The following ZAP70 variants were observed in gnomAD, a reference collection of about 807,000 sequenced individuals.
The protein encoded by ZAP70 is tyrosine-protein kinase ZAP-70.
A neutral mutation model predicts 65.8 loss-of-function variants in ZAP70; 27 were observed. The observed-to-expected ratio is 0.41, with a 90% CI of 0.30 to 0.57. The LOEUF (loss-of-function observed/expected upper bound fraction) is 0.57, where lower values mean the gene tolerates loss of function less well. Among genes scored for constraint, ZAP70 ranks in the 20% least tolerant of loss-of-function variants. The pLI is 0.28. For missense variants in ZAP70, 696 were observed against 870.5 expected (o/e 0.80, Z 2.52); for synonymous variants, 363 against 360.8 (o/e 1.01, Z -0.07).
chr2:97,744,857 A>G (rs1559333318), downstream of ZAP70, among the ~76,000 whole-genome samples: 1 of 152,222 alleles, frequency 6.6e-6, no homozygotes, highest in Non-Finnish European at 1.5e-5. Context: ...TGGATCAATG[A>G]CCTAAATATT....
Position 97,734,539 on chromosome 2 carries a change from C to G in ZAP70, c.909C>G (p.Asp303Glu), listed in dbSNP as rs1200167356. 6.2e-7 allele frequency: 1 copy of G among 1,613,998 alleles called. No individual in the cohort carries two copies. Among genetic ancestry groups the G allele is most frequent in the East Asian group, 2.2e-5 (1 of 44,884 alleles). Reference sequence around the variant, plus strand: ...GCCCAGCACGCATAACGTCCCCAGACAAACCGCGGCCGATGCCCATGGACA... The same window carrying G: ...GCCCAGCACGCATAACGTCCCCAGAGAAACCGCGGCCGATGCCCATGGACA... ...TPEPARITSP[D>E]KPRPMPMDTS... The change falls in exon 9 of 14, where the codon GAC (aspartate) becomes GAG (glutamate). Residue 303 changes from aspartate (D) to glutamate (E), a missense_variant. By Grantham distance (45) the Asp-to-Glu change is conservative. Around this residue, in one of 3 missense-constraint regions of ZAP70, gnomAD observed 551 missense variants for 630.0 expected, o/e 0.87. Coordinates refer to ENST00000264972, the MANE Select transcript of ZAP70 (RefSeq NM_001079.4).
the ZAP70 span, among the ~76,000 whole-genome samples, chr2:97,744,931 G>A: frequency 2.0e-5 from 3 of 152,166 alleles, no homozygotes; most frequent in South Asian, 2.1e-4. Context: ...TTTGGATTTC[G>A]CAGTGGATTC....
chr2:97,739,753 T>C lies in ZAP70; in HGVS notation c.*255T>C. On this transcript the variant is annotated 3_prime_UTR_variant, in exon 14 of 14. Coordinates refer to ENST00000264972, the MANE Select transcript of ZAP70 (RefSeq NM_001079.4). ...TGGTGGCTCCCGGAGGGCCCTGAGCTGAGGGCATTGCTTACACGGATGCCT... is the reference window on the plus strand; with the variant it reads ...TGGTGGCTCCCGGAGGGCCCTGAGCCGAGGGCATTGCTTACACGGATGCCT... 3.5e-6 allele frequency: 2 copies of C among 569,890 alleles called. No individual in the cohort carries two copies. Among genetic ancestry groups the C allele is most frequent in the Non-Finnish European group, 6.2e-6 (2 of 322,954 alleles). The allele number at this position is 569,890 out of a possible 1,614,324, so 35.3% of individuals were successfully genotyped here.
chr2:97,727,929 C>T (rs890522050), intron 4 of ZAP70, among the ~76,000 whole-genome samples: 2 of 152,194 alleles, frequency 1.3e-5, no homozygotes, highest in Non-Finnish European at 2.9e-5. Flanking sequence ...CCTAAAGCCT[C>T]CTGAGAGTGG....
At chr2:97,723,947 C>G in intron 2 of ZAP70, 69 bp from the exon 3 acceptor site, 2 of 1,509,524 alleles carry the variant, frequency 1.3e-6, no homozygotes, top group East Asian at 2.5e-5. Context: ...TCTCTCGCGC[C>G]GTCTTTGGGC....
Position 97,715,816 on chromosome 2 carries a change from C to T in ZAP70, c.-22+1822C>T, listed in dbSNP as rs1250062138. Among the ~76,000 whole-genome samples, 1 of 152,194 alleles carries T rather than the reference C, an allele frequency of 6.6e-6. No homozygotes were observed. The highest frequency in any genetic ancestry group is 1.9e-4 in the East Asian group (1 of 5,196). On this transcript the variant is annotated intron_variant, in intron 2 of 13. Transcript: ENST00000264972. The surrounding 1 kb of genome is among the most constrained non-coding windows in gnomAD (Gnocchi z 4.1). ...TTGTGGTGAGAATTAGAATAAATGG[C>T]TAATGCTCGCAAAGGGTAGTGCAGT...
rs1018219262 is a variant in ZAP70, at chr2:97,737,150, G to A, written c.1290-323G>A. ...GAGGAGCCATATGTGTGTGCACATG[G>A]GGATGGGGACAATCAGGCCACATTA... On this transcript the variant is annotated intron_variant, in intron 10 of 13. Coordinates refer to ENST00000264972, the MANE Select transcript of ZAP70 (RefSeq NM_001079.4). This position sits in a 1 kb window ranked among gnomAD's most constrained non-coding sequence, Gnocchi z 5.0. 1.3e-5 allele frequency among the ~76,000 whole-genome samples: 2 copies of A among 152,132 alleles called. No individual in the cohort carries two copies. Among genetic ancestry groups the A allele is most frequent in the African/African-American group, 4.8e-5 (2 of 41,414 alleles).
At chr2:97,742,988 C>T (rs1678166359), downstream of ZAP70, among the ~76,000 whole-genome samples, 1 of 152,216 alleles carries the variant, frequency 6.6e-6, no homozygotes, top group Non-Finnish European at 1.5e-5. Flanking sequence ...TGAGGCAAAA[C>T]TCTTTGTCCC....
Position 97,739,718 on chromosome 2 carries a change from T to C in ZAP70, c.*220T>C, listed in dbSNP as rs1438823526. The C allele has an allele frequency of 5.8e-6, 4 of 694,650 alleles. No individual in the cohort carries two copies. Among genetic ancestry groups the C allele is most frequent in the Non-Finnish European group, 9.4e-6 (4 of 426,574 alleles). The allele number at this position is 694,650 out of a possible 1,614,324, so 43.0% of individuals were successfully genotyped here. The stretch of plus-strand genomic sequence containing the variant: ...TCCGGGAGGGTGCGGCTGTGCAGCC[T>C]GTCCTGGGCTGGTGGCTCCCGGAGG... On this transcript the variant is annotated 3_prime_UTR_variant, in exon 14 of 14. Transcript: ENST00000264972.
chr2:97,735,221 C>T (rs973841244), intron 9 of ZAP70, 29 bp from the exon 10 acceptor site: 7 of 1,613,074 alleles, frequency 4.3e-6, no homozygotes, highest in Non-Finnish European at 4.2e-6. Flanking sequence ...GCCCCTCGCC[C>T]ACGTGCCTCC....
rs372504093 is a variant in ZAP70, at chr2:97,732,917, C to G, written c.598C>G (p.Leu200Val). The G allele has an allele frequency of 1.6e-5, 26 of 1,614,048 alleles. 1 individual carries two copies. In the African/African-American group the frequency reaches 3.3e-4, roughly 21 times the overall value. Residue 200 changes from leucine to valine, a missense_variant, in exon 5 of 14, where the codon CTG (leucine) becomes GTG (valine). This residue lies in a region of ZAP70 where 551 missense variants were observed against 630.0 expected (regional missense o/e 0.87). Transcript: ENST00000264972. ...GCGGAAGGAGCAGGGCACATACGCC[C>G]TGTCCCTCATCTATGGGAAGACGGT... ...RPRKEQGTYA[L>V]SLIYGKTVYH...
chr2:97,724,091 G>A lies in ZAP70; in HGVS notation c.55G>A (p.Glu19Lys). The A allele has an allele frequency of 1.3e-6, 2 of 1,561,692 alleles. No individual in the cohort carries two copies. The highest frequency in any genetic ancestry group is 1.7e-6 in the Non-Finnish European group (2 of 1,157,310). The change falls in exon 3 of 14, where the codon GAG becomes AAG. Residue 19 changes from glutamate to lysine, a missense_variant. Glu to Lys is a moderately conservative substitution (Grantham distance 56, BLOSUM62 1). Around this residue, in one of 3 missense-constraint regions of ZAP70, gnomAD observed 551 missense variants for 630.0 expected, o/e 0.87. Transcript: ENST00000264972. ...CTTCTACGGCAGCATCTCGCGTGCCGAGGCCGAGGAGCACCTGAAGCTGGC... is the reference window on the plus strand; with the variant it reads ...CTTCTACGGCAGCATCTCGCGTGCCAAGGCCGAGGAGCACCTGAAGCTGGC... ...PFFYGSISRA[E>K]AEEHLKLAGM...
In ZAP70 at chr2:97,731,807, G is replaced by A. The variant is rs553006577; in HGVS notation, c.564-1076G>A. ...GGTCTGAGAATTTGCACCTTGGAGG[G>A]TGCAGCTCGCAGGCCATCACAAGGG... On this transcript the variant is annotated intron_variant, in intron 4 of 13. Transcript: ENST00000264972. This position sits in a 1 kb window ranked among gnomAD's most constrained non-coding sequence, Gnocchi z 4.0. 1.3e-5 allele frequency among the ~76,000 whole-genome samples: 2 copies of A among 152,348 alleles called. No homozygotes were observed. The highest frequency in any genetic ancestry group is 4.8e-5 in the African/African-American group (2 of 41,576).
At chr2:97,716,861 A>G (rs1573247676) in intron 2 of ZAP70, among the ~76,000 whole-genome samples, 2 of 152,284 alleles carry the variant, frequency 1.3e-5, no homozygotes, top group South Asian at 4.1e-4. Context: ...GTCTCACCCC[A>G]GGGAGTCCCT....
At chr2:97,728,135 C>T (rs1237510619) in intron 4 of ZAP70, among the ~76,000 whole-genome samples, 1 of 152,230 alleles carries the variant, frequency 6.6e-6, no homozygotes, top group African/African-American at 2.4e-5. Context: ...CACAGCAGAG[C>T]TCATGACAGG....
chr2:97,745,519 C>T, the ZAP70 span, among the ~76,000 whole-genome samples: 7 of 152,328 alleles, frequency 4.6e-5, no homozygotes, highest in Admixed American at 1.3e-4. Flanking sequence ...CTCGAACAGA[C>T]ATTTCTCCAC....
intron 2 of ZAP70, among the ~76,000 whole-genome samples, chr2:97,723,659 C>T (rs1341809481): frequency 6.6e-6 from 1 of 152,254 alleles, no homozygotes; most frequent in Non-Finnish European, 1.5e-5. Context: ...GGTGGGACCG[C>T]GCCTGCCTCA....
At chr2:97,738,298 C>A in intron 13 of ZAP70, 191 bp downstream of exon 13, 1 of 644,904 alleles carries the variant, frequency 1.6e-6, no homozygotes. Flanking sequence ...TGTCCTGCTC[C>A]AGTGTGCCAC....
chr2:97,720,069 A>C (rs760734810), intron 2 of ZAP70, among the ~76,000 whole-genome samples: 4 of 152,128 alleles, frequency 2.6e-5, no homozygotes, highest in Non-Finnish European at 5.9e-5. Context: ...CCCACAGTGT[A>C]TCTTATTCAT....
Sources: allele counts gnomAD v4.1 joint callset (sites outside exome capture counted in the v4.1 genomes callset), GRCh38; gene constraint gnomAD v4.1.1; regional missense constraint gnomAD v4.1.1; non-coding constraint Gnocchi (gnomAD v3.1); transcripts MANE v1.5; gene names NCBI Gene and HGNC (gene_info 2026-07-23, HGNC 2026-07-21).